The following MCC variants were observed in gnomAD, a reference collection of about 807,000 sequenced individuals.
MCC encodes MCC regulator of Wnt signaling pathway, also known as colorectal mutant cancer protein.
A neutral mutation model predicts 116.2 loss-of-function variants in MCC; 90 were observed. The observed-to-expected ratio is 0.77, with a 90% CI of 0.65 to 0.92. The LOEUF is 0.92. MCC is among the 40% of genes least tolerant of loss of function. The pLI is 0.00. For synonymous variants in MCC, 578 were observed against 510.5 expected, an observed-to-expected ratio of 1.13 and a Z score of -1.78; for missense variants, 1,516 against 1,312.2, an observed-to-expected ratio of 1.16 and a Z score of -2.40.
intron 3 of MCC, among the ~76,000 whole-genome samples, chr5:113,158,143 A>G (rs932030102): frequency 1.8e-4 from 28 of 152,182 alleles, no homozygotes; most frequent in African/African-American, 6.3e-4. Context: ...TTATTTTTGG[A>G]ATTTTCCACT....
chr5:113,484,638 G>C (rs1020398049), intron 1 of MCC, among the ~76,000 whole-genome samples: 5 of 152,174 alleles, frequency 3.3e-5, no homozygotes, highest in Admixed American at 3.3e-4. Flanking sequence ...AATCTATTTT[G>C]ATATAGTGGT....
At chr5:113,277,534 A>G (rs1765875878) in intron 3 of MCC, among the ~76,000 whole-genome samples, 1 of 152,194 alleles carries the variant, frequency 6.6e-6, no homozygotes, top group South Asian at 2.1e-4. Flanking sequence ...CAAGGTGGAA[A>G]TGCTCATGTG....
At chr5:113,470,550 A>C (rs1159381190) in intron 1 of MCC, among the ~76,000 whole-genome samples, 1 of 152,154 alleles carries the variant, frequency 6.6e-6, no homozygotes, top group Non-Finnish European at 1.5e-5. Flanking sequence ...CCGAGAGATC[A>C]GCTGTTAGTC....
At chr5:113,294,120 T>G (rs2150362347) in intron 3 of MCC, among the ~76,000 whole-genome samples, 1 of 152,148 alleles carries the variant, frequency 6.6e-6, no homozygotes, top group East Asian at 1.9e-4. Flanking sequence ...CATTTCAGAC[T>G]GAAATATCAA....
intron 7 of MCC, among the ~76,000 whole-genome samples, chr5:113,102,278 G>A (rs1756467851): frequency 6.6e-6 from 1 of 152,192 alleles, no homozygotes; most frequent in African/African-American, 2.4e-5. Flanking sequence ...TCCAGAGTTG[G>A]TGGATACACA....
intron 3 of MCC, among the ~76,000 whole-genome samples, chr5:113,308,341 T>C (rs1767045271): frequency 6.6e-6 from 1 of 152,160 alleles, no homozygotes; most frequent in South Asian, 2.1e-4. Context: ...TGATGCTCAG[T>C]TCAATTAATT....
intron 3 of MCC, among the ~76,000 whole-genome samples, chr5:113,271,949 C>T (rs1765635362): frequency 6.6e-6 from 1 of 152,096 alleles, no homozygotes; most frequent in Non-Finnish European, 1.5e-5. Flanking sequence ...TCTAGGAGCA[C>T]AAAATGAACT....
At chr5:113,095,899 C>G (rs1755976850) in intron 8 of MCC, among the ~76,000 whole-genome samples, 1 of 145,410 alleles carries the variant, frequency 6.9e-6, no homozygotes, top group African/African-American at 2.4e-5. Flanking sequence ...AAAATAAGCC[C>G]TACTGAGCTT....
chr5:113,272,338 C>T (rs1253617091), intron 3 of MCC, among the ~76,000 whole-genome samples: 2 of 152,116 alleles, frequency 1.3e-5, no homozygotes, highest in Non-Finnish European at 2.9e-5. Context: ...TTTCAAATAC[C>T]ACTCATCTGA....
chr5:113,185,447 G>C (rs1761854873), intron 3 of MCC, among the ~76,000 whole-genome samples: 1 of 152,120 alleles, frequency 6.6e-6, no homozygotes, highest in African/African-American at 2.4e-5. Context: ...TATCTTGTTT[G>C]AAATTCTTAA....
chr5:113,280,885 TG>T (rs1312295511), intron 3 of MCC, among the ~76,000 whole-genome samples: 2 of 152,154 alleles, frequency 1.3e-5, no homozygotes, highest in African/African-American at 2.4e-5. Context: ...GACCCAGCCA[TG>T]GAAGTCCAAG....
intron 1 of MCC, among the ~76,000 whole-genome samples, chr5:113,465,999 C>G (rs1446242240): frequency 6.6e-6 from 1 of 151,292 alleles, no homozygotes; most frequent in Non-Finnish European, 1.5e-5. Flanking sequence ...TGCGGTGGCG[C>G]GATCTCGGCT....
At chr5:113,076,302 C>T (rs1031441153) in intron 11 of MCC, among the ~76,000 whole-genome samples, 2 of 152,154 alleles carry the variant, frequency 1.3e-5, no homozygotes, top group African/African-American at 2.4e-5. Flanking sequence ...TCAGGAAATA[C>T]AGAGAACACC....
chr5:113,234,994 T>C (rs965646961), intron 3 of MCC, among the ~76,000 whole-genome samples: 14 of 152,214 alleles, frequency 9.2e-5, no homozygotes, highest in African/African-American at 3.4e-4. Context: ...TCTGGCAAAC[T>C]TCCAAGAGCA....
intron 3 of MCC, among the ~76,000 whole-genome samples, chr5:113,301,502 C>T (rs1766861116): frequency 6.6e-6 from 1 of 151,380 alleles, no homozygotes; most frequent in Admixed American, 6.6e-5. Flanking sequence ...TATAGGGCAA[C>T]AAGAGTGAAA....
chr5:113,271,385 T>C (rs530758261), intron 3 of MCC, among the ~76,000 whole-genome samples: 5 of 152,224 alleles, frequency 3.3e-5, no homozygotes, highest in African/African-American at 9.6e-5. Flanking sequence ...AGAAAACAGA[T>C]GAAACCCATA....
At chr5:113,483,720 G>A (rs1156444455) in intron 1 of MCC, among the ~76,000 whole-genome samples, 1 of 152,082 alleles carries the variant, frequency 6.6e-6, no homozygotes, top group Non-Finnish European at 1.5e-5. Context: ...ATAAATCGTT[G>A]TATTATAAAG....
chr5:113,469,272 G>C lies in MCC; in HGVS notation c.170+18973C>G, dbSNP rs1276894889. 2.6e-5 allele frequency among the ~76,000 whole-genome samples: 4 copies of C among 152,242 alleles called. No homozygotes were observed. In the South Asian group the frequency reaches 8.3e-4, roughly 32 times the overall value. ...CTTTTCTAGTTCTTTTAATTGTGAT[G>C]TTAGGGTGTCGATTTTAGATCTTTC... On this transcript the variant is annotated intron_variant, in intron 1 of 18. Transcript: ENST00000408903.
chr5:113,068,355 C>T (rs1753771963), intron 12 of MCC, among the ~76,000 whole-genome samples, 172 bp from the exon 13 acceptor site: 1 of 152,206 alleles, frequency 6.6e-6, no homozygotes, highest in African/African-American at 2.4e-5. Flanking sequence ...CTTGCTCTTT[C>T]ATTTGGCCTT....
Sources: allele counts gnomAD v4.1 joint callset (sites outside exome capture counted in the v4.1 genomes callset), GRCh38; gene constraint gnomAD v4.1.1; transcripts MANE v1.5; gene names NCBI Gene and HGNC (gene_info 2026-07-23, HGNC 2026-07-21).